IGBP1: variants seen among roughly 807,000 people sequenced by gnomAD.
IGBP1 encodes immunoglobulin-binding protein 1.
A neutral mutation model predicts 25.9 loss-of-function variants in IGBP1; 2 were observed. The observed-to-expected ratio is 0.08, with a 90% CI of 0.03 to 0.24. The LOEUF (loss-of-function observed/expected upper bound fraction) is 0.24, where lower values mean the gene tolerates loss of function less well. Ranked by LOEUF, IGBP1 falls within the 10% of genes least tolerant of loss-of-function variation. The pLI is 1.00. For synonymous variants in IGBP1, 96 were observed against 93.4 expected, an observed-to-expected ratio of 1.03 and a Z score of -0.16; for missense variants, 187 against 260.4, an observed-to-expected ratio of 0.72 and a Z score of 1.94.
intron 6 of IGBP1, among the ~76,000 whole-genome samples, chrX:70,153,662 G>C (rs2085217091): frequency 8.9e-6 from 1 of 112,013 alleles, no homozygotes; most frequent in African/African-American, 3.2e-5. Context: ...TTGTATCATA[G>C]TTTCTGAGGG....
At chrX:70,153,857 CCAAAGTGAATG>C (rs1246230634) in intron 6 of IGBP1, among the ~76,000 whole-genome samples, 3 of 110,618 alleles carry the variant, frequency 2.7e-5, no homozygotes, top group African/African-American at 9.9e-5. Flanking sequence ...CTTCCGCTCC[CCAAAGTGAATG>C]ATCTGAGAAT....
chrX:70,162,899 A>G (rs956198313), intron 6 of IGBP1, among the ~76,000 whole-genome samples: 2 of 111,281 alleles, frequency 1.8e-5, no homozygotes, highest in Non-Finnish European at 3.8e-5. Flanking sequence ...GCTTGAGCCC[A>G]GGAGGCGGAG....
At chrX:70,163,009 A>G (rs1417143842) in intron 6 of IGBP1, among the ~76,000 whole-genome samples, 1 of 109,203 alleles carries the variant, frequency 9.2e-6, no homozygotes, top group African/African-American at 3.3e-5. Flanking sequence ...ACTGGCTGAA[A>G]CTCACCAGAT....
At chrX:70,157,745 G>A (rs1006526009) in intron 6 of IGBP1, among the ~76,000 whole-genome samples, 3 of 111,910 alleles carry the variant, frequency 2.7e-5, no homozygotes, top group Non-Finnish European at 3.8e-5. Context: ...GCTAGTAAGT[G>A]TTCACCCTTA....
Position 70,133,557 on chromosome X carries a change from A to G in IGBP1, c.-226+17A>G. On this transcript the variant is annotated intron_variant, in intron 1 of 6. Coordinates refer to ENST00000356413, the MANE Select transcript of IGBP1 (RefSeq NM_001551.3). ...ACTCGCGAGGTAAGGGGCGCGCCAG[A>G]CTGGCTCCTAAAACGCACTCGCTCG... 2.7e-6 allele frequency: 1 copy of G among 372,097 alleles called. No individual in the cohort carries two copies. The highest frequency in any genetic ancestry group is 4.6e-6 in the Non-Finnish European group (1 of 216,770). The allele number at this position is 372,097 out of a possible 1,213,427, so 30.7% of individuals were successfully genotyped here.
At position 70,154,315 on chromosome X, in the gene IGBP1, G is replaced by A. The variant is rs542264275; in HGVS notation, c.871+3993G>A. 4.7e-5 allele frequency among the ~76,000 whole-genome samples: 5 copies of A among 105,346 alleles called. No individual in the cohort carries two copies. In the South Asian group the frequency reaches 1.3e-3, roughly 27 times the overall value. 91.5% of individuals were successfully genotyped at this position (105,346 alleles called of 115,157 possible). A position where few individuals can be genotyped will look rare whatever the true frequency, so the allele number is the denominator to read the frequency against. ...TCTCGATCTCCTGACCTTGTGATCC[G>A]CCCGCCTCGGCCTCCCAAAGTGCTG... On this transcript the variant is annotated intron_variant, in intron 6 of 6. Transcript: ENST00000356413.
At chrX:70,147,502 G>T (rs901936885) in intron 4 of IGBP1, among the ~76,000 whole-genome samples, 1 of 111,489 alleles carries the variant, frequency 9.0e-6, no homozygotes, top group African/African-American at 3.3e-5. Context: ...AGAACTGGAG[G>T]AGAGGGAGAA....
rs1475504586 is a variant in IGBP1, at chrX:70,148,783, G to A, written c.701G>A (p.Arg234His). Residue 234 changes from arginine to histidine, a missense_variant, in exon 5 of 7, where the codon CGC becomes CAC. By Grantham distance (29) the Arg-to-His change is conservative (BLOSUM62 0). Transcript: ENST00000356413. The part of the protein sequence containing the change: ...SREASTSNSS[R>H]QERPPVKPFI... ...TAGGCATCAACTTCTAACTCATCTCGCCAGGAGAGGCCTCCAGTGAAACCC... is the reference window on the plus strand; with the variant it reads ...TAGGCATCAACTTCTAACTCATCTCACCAGGAGAGGCCTCCAGTGAAACCC... 4 of 1,202,002 alleles carry A rather than the reference G, an allele frequency of 3.3e-6. No individual in the cohort carries two copies. Among genetic ancestry groups the A allele is most frequent in the Middle Eastern group, 2.3e-4 (1 of 4,321 alleles).
At chrX:70,134,862 T>C in intron 3 of IGBP1, 46 bp downstream of exon 3, 1 of 1,127,471 alleles carries the variant, frequency 8.9e-7, no homozygotes. Flanking sequence ...GGCGGTGCTT[T>C]TCAGGGGCAT....
intron 6 of IGBP1, among the ~76,000 whole-genome samples, chrX:70,154,159 G>A (rs779598361): frequency 2.2e-3 from 231 of 105,114 alleles, no homozygotes; most frequent in Non-Finnish European, 3.6e-3. Flanking sequence ...CCGGGTTCAC[G>A]CCATTCACGC....
At chrX:70,161,640 C>T (rs2085271428) in intron 6 of IGBP1, among the ~76,000 whole-genome samples, 2 of 112,242 alleles carry the variant, frequency 1.8e-5, no homozygotes, top group African/African-American at 6.5e-5. Context: ...GCTCAGAACA[C>T]TTACGTTAGT....
At chrX:70,141,879 A>G (rs1042499727) in intron 3 of IGBP1, among the ~76,000 whole-genome samples, 1 of 110,929 alleles carries the variant, frequency 9.0e-6, no homozygotes, top group Non-Finnish European at 1.9e-5. Context: ...CAACCCCATG[A>G]AATAGACATT....
intron 3 of IGBP1, among the ~76,000 whole-genome samples, chrX:70,140,941 G>A (rs369376908): frequency 5.4e-5 from 6 of 111,647 alleles, no homozygotes; most frequent in Non-Finnish European, 9.4e-5. Flanking sequence ...CTGTGCTTTC[G>A]TTGGTGTAGA....
At chrX:70,163,427 G>C (rs2085281101) in intron 6 of IGBP1, among the ~76,000 whole-genome samples, 2 of 111,084 alleles carry the variant, frequency 1.8e-5, no homozygotes, top group African/African-American at 6.6e-5. Flanking sequence ...CCAATATCTT[G>C]AGAAATGGTA....
At chrX:70,139,298 C>T (rs1293692193) in intron 3 of IGBP1, among the ~76,000 whole-genome samples, 1 of 93,502 alleles carries the variant, frequency 1.1e-5, no homozygotes. Flanking sequence ...CTGGCAACAG[C>T]GAGACTCCGT....
Position 70,150,274 on chromosome X carries a change from C to T in IGBP1, c.823C>T (p.Arg275Trp), listed in dbSNP as rs371452513. ...GGTGAGTGACTGGTATGAGCAACAT[C>T]GGAAATATGGAGCATTACCGGATCA... is the stretch of plus-strand genomic sequence containing the variant. ...MTVSDWYEQH[R>W]KYGALPDQGI... is the part of the protein sequence containing the mutation. Residue 275 changes from arginine to tryptophan, a missense_variant, in exon 6 of 7, where the codon CGG becomes TGG. Physicochemically the swap from Arg to Trp is moderately radical, Grantham distance 101. Coordinates refer to ENST00000356413, the MANE Select transcript of IGBP1 (RefSeq NM_001551.3). 1.1e-5 allele frequency: 13 copies of T among 1,203,532 alleles called. No individual in the cohort carries two copies. The South Asian group carries it at 1.4e-4, about 13-fold the overall frequency.
At chrX:70,140,980 A>AG (rs1232266675) in intron 3 of IGBP1, among the ~76,000 whole-genome samples, 1 of 111,231 alleles carries the variant, frequency 9.0e-6, no homozygotes, top group African/African-American at 3.3e-5. Flanking sequence ...ACATGTAGAC[A>AG]GAAAAAAAGT....
At chrX:70,150,723 T>C (rs2085197530) in intron 6 of IGBP1, among the ~76,000 whole-genome samples, 1 of 111,954 alleles carries the variant, frequency 8.9e-6, no homozygotes, top group African/African-American at 3.2e-5. Flanking sequence ...CAAAAGCAGG[T>C]GTAAGCTGAA....
chrX:70,143,179 C>T (rs1243955835), intron 3 of IGBP1, among the ~76,000 whole-genome samples: 1 of 111,334 alleles, frequency 9.0e-6, no homozygotes, highest in Non-Finnish European at 1.9e-5. Flanking sequence ...ACCTCAGCCT[C>T]CCAAAGTGCT....
Sources: gnomAD v4.1 joint callset for allele counts (sites outside exome capture counted in the v4.1 genomes callset) on GRCh38, gnomAD v4.1.1 for gene constraint, MANE v1.5 for transcripts, NCBI Gene and HGNC (gene_info 2026-07-23, HGNC 2026-07-21) for gene names.